The following NRXN1 variants were observed in gnomAD, a reference collection of about 807,000 sequenced individuals.
NRXN1 encodes neurexin 1.
In NRXN1, 39 loss-of-function variants were observed where a neutral mutation model predicts 150.9. That is an observed-to-expected ratio of 0.26 (90% CI 0.20 to 0.34). NRXN1 has a LOEUF of 0.34. Among genes scored for constraint, NRXN1 ranks in the 10% least tolerant of loss-of-function variants. NRXN1 has a pLI of 1.00. For missense variants in NRXN1, 1,815 were observed against 1,949.9 expected (o/e 0.93, Z 1.30); for synonymous variants, 924 against 757.0 (o/e 1.22, Z -3.62).
intron 18 of NRXN1, among the ~76,000 whole-genome samples, chr2:50,111,042 C>A: frequency 6.6e-6 from 1 of 152,050 alleles, no homozygotes; most frequent in Non-Finnish European, 1.5e-5. Context: ...CAAATGGGTT[C>A]ATTTTGGAGA....
chr2:50,201,726 T>C (rs1336673203), intron 18 of NRXN1, among the ~76,000 whole-genome samples: 1 of 152,176 alleles, frequency 6.6e-6, no homozygotes, highest in African/African-American at 2.4e-5. Context: ...GAGTTAGTAA[T>C]TCAGGGGTAC....
intron 18 of NRXN1, among the ~76,000 whole-genome samples, chr2:50,112,936 A>C (rs1338813811): frequency 1.3e-5 from 2 of 152,188 alleles, no homozygotes; most frequent in Middle Eastern, 3.2e-3. Flanking sequence ...TTTGGAACAC[A>C]AGACATCTGG....
intron 17 of NRXN1, among the ~76,000 whole-genome samples, chr2:50,302,118 GA>G (rs962152038): frequency 4.0e-5 from 6 of 151,898 alleles, no homozygotes; most frequent in South Asian, 2.1e-4. Context: ...AAAAAAATGA[GA>G]AAAAAATATA....
chr2:50,086,761 G>A (rs1428396566), intron 19 of NRXN1, among the ~76,000 whole-genome samples: 1 of 151,548 alleles, frequency 6.6e-6, no homozygotes, highest in Admixed American at 6.6e-5. Flanking sequence ...ACACACAGCA[G>A]CATTAGAACA....
At chr2:50,998,437 G>A (rs1201055254) in intron 2 of NRXN1, among the ~76,000 whole-genome samples, 1 of 152,006 alleles carries the variant, frequency 6.6e-6, no homozygotes, top group South Asian at 2.1e-4. Flanking sequence ...TAATGGAAGT[G>A]CCAAAATGAT....
At chr2:50,477,161 G>A (rs1182885155) in intron 15 of NRXN1, among the ~76,000 whole-genome samples, 1 of 152,038 alleles carries the variant, frequency 6.6e-6, no homozygotes, top group Non-Finnish European at 1.5e-5. Context: ...CTGGAAGAGA[G>A]GAGTTTTCAG....
intron 19 of NRXN1, among the ~76,000 whole-genome samples, chr2:50,066,765 GA>G (rs1288607029): frequency 6.6e-5 from 10 of 152,168 alleles, no homozygotes; most frequent in Non-Finnish European, 1.5e-4. Context: ...GCAAGAATTT[GA>G]GGGCAATGTG....
intron 5 of NRXN1, among the ~76,000 whole-genome samples, chr2:50,876,425 T>C (rs968110577): frequency 1.3e-5 from 2 of 151,762 alleles, no homozygotes; most frequent in African/African-American, 4.8e-5. Context: ...TGTAATTAAG[T>C]CCAACAAATT....
intron 17 of NRXN1, among the ~76,000 whole-genome samples, chr2:50,445,320 C>T (rs1207956787): frequency 6.6e-6 from 1 of 152,174 alleles, no homozygotes; most frequent in Non-Finnish European, 1.5e-5. Flanking sequence ...AGTTTTTCAA[C>T]TAGAGGAAGT....
intron 18 of NRXN1, among the ~76,000 whole-genome samples, chr2:50,156,649 A>C (rs1198558145): frequency 2.0e-5 from 3 of 151,956 alleles, no homozygotes; most frequent in Non-Finnish European, 2.9e-5. Context: ...GAAAAAAATA[A>C]ACCAATACAA....
intron 21 of NRXN1, among the ~76,000 whole-genome samples, chr2:49,997,905 AG>A (rs1175219291): frequency 6.6e-6 from 1 of 152,112 alleles, no homozygotes; most frequent in Admixed American, 6.5e-5. Flanking sequence ...GCTTAAAGTG[AG>A]GGCAATAAAA....
intron 21 of NRXN1, among the ~76,000 whole-genome samples, chr2:50,038,781 T>C: frequency 7.4e-6 from 1 of 135,070 alleles, no homozygotes; most frequent in Non-Finnish European, 1.6e-5. Context: ...TTTCCTTCCT[T>C]CCTTCCTTCC....
chr2:50,063,745 T>C (rs938375502), intron 19 of NRXN1, among the ~76,000 whole-genome samples: 2 of 152,176 alleles, frequency 1.3e-5, no homozygotes, highest in Non-Finnish European at 2.9e-5. Flanking sequence ...TCTATAATCA[T>C]GATCAAAGAA....
chr2:50,732,883 T>C (rs539672769), intron 5 of NRXN1, among the ~76,000 whole-genome samples: 65 of 152,290 alleles, frequency 4.3e-4, no homozygotes, highest in Middle Eastern at 3.4e-3. Flanking sequence ...AACAGAAAGT[T>C]TGATCTTAGT....
At chr2:50,586,941 C>T (rs970124176) in intron 8 of NRXN1, among the ~76,000 whole-genome samples, 6 of 152,090 alleles carry the variant, frequency 3.9e-5, no homozygotes, top group African/African-American at 1.4e-4. Flanking sequence ...ATTATATTTG[C>T]CATTGGTGTC....
chr2:50,515,369 T>C (rs748558595), intron 12 of NRXN1, among the ~76,000 whole-genome samples: 2 of 152,102 alleles, frequency 1.3e-5, no homozygotes, highest in Non-Finnish European at 2.9e-5. Context: ...GTAATAGTAA[T>C]AGAAATAAGG....
chr2:50,285,004 T>A (rs1574926886), intron 17 of NRXN1, among the ~76,000 whole-genome samples: 1 of 152,294 alleles, frequency 6.6e-6, no homozygotes, highest in East Asian at 1.9e-4. Context: ...GAATTAAATG[T>A]GAAATATATA....
intron 19 of NRXN1, among the ~76,000 whole-genome samples, chr2:50,086,765 T>A (rs1286463745): frequency 6.6e-6 from 1 of 150,832 alleles, no homozygotes; most frequent in African/African-American, 2.4e-5. Context: ...ACAGCAGCAT[T>A]AGAACATTGA....
At chr2:50,648,794 G>T (rs556774785) in intron 5 of NRXN1, among the ~76,000 whole-genome samples, 1 of 151,828 alleles carries the variant, frequency 6.6e-6, no homozygotes, top group South Asian at 2.1e-4. Flanking sequence ...TCTACCCACC[G>T]TGCTGAACTG....
Sources: allele counts gnomAD v4.1 joint callset (sites outside exome capture counted in the v4.1 genomes callset), GRCh38; gene constraint gnomAD v4.1.1; transcripts MANE v1.5; gene names NCBI Gene and HGNC (gene_info 2026-07-23, HGNC 2026-07-21).